CCT6B: variants seen among roughly 807,000 people sequenced by gnomAD.
CCT6B encodes the protein chaperonin containing TCP1 subunit 6B.
CCT6B carries 49 observed loss-of-function variants against 61.5 expected under a neutral mutation model. The observed-to-expected ratio is 0.80, with a 90% CI of 0.63 to 1.01. The LOEUF is 1.01. Among genes scored for constraint, CCT6B ranks in the 50% least tolerant of loss-of-function variants. CCT6B has a pLI of 0.00. For missense variants in CCT6B, 666 were observed against 634.7 expected (o/e 1.05, Z -0.53); for synonymous variants, 228 against 214.5 (o/e 1.06, Z -0.55).
At chr17:34,932,238 G>A (rs552076949) in intron 11 of CCT6B, 129 bp downstream of exon 11, 9 of 813,148 alleles carry the variant, frequency 1.1e-5, no homozygotes, top group East Asian at 5.8e-5. Flanking sequence ...AAATATCTAA[G>A]AGAAAACTGT....
intron 2 of CCT6B, 35 bp from the exon 3 acceptor site, chr17:34,958,729 G>T: frequency 1.3e-6 from 2 of 1,542,836 alleles, no homozygotes; most frequent in South Asian, 2.6e-5. Context: ...AAAAAGACAG[G>T]ATGAGATAAG....
At chr17:34,942,182 C>CT (rs796649434) in intron 7 of CCT6B, among the ~76,000 whole-genome samples, 88 of 142,268 alleles carry the variant, frequency 6.2e-4, no homozygotes, top group East Asian at 1.6e-3. Context: ...ATGATACTGC[C>CT]TTTTTTTTTT....
chr17:34,950,024 A>C (rs1460598552), intron 5 of CCT6B, among the ~76,000 whole-genome samples: 1 of 152,248 alleles, frequency 6.6e-6, no homozygotes, highest in East Asian at 1.9e-4. Context: ...AAGTGTCAAC[A>C]AATTTCAAAG....
At chr17:34,947,041 T>G (rs1327214945) in intron 5 of CCT6B, among the ~76,000 whole-genome samples, 1 of 152,218 alleles carries the variant, frequency 6.6e-6, no homozygotes, top group Non-Finnish European at 1.5e-5. Flanking sequence ...ATTAGAAAGT[T>G]TATTTTTAAA....
intron 12 of CCT6B, among the ~76,000 whole-genome samples, chr17:34,929,487 CTTTCT>C (rs1167627144): frequency 8.3e-6 from 1 of 120,360 alleles, no homozygotes; most frequent in Non-Finnish European, 1.7e-5. Flanking sequence ...TTTTTGTTTT[CTTTCT>C]TTTTTTTTTT....
chr17:34,954,582 T>C lies in CCT6B; in HGVS notation c.354A>G (p.Ile118Met), dbSNP rs746995040. 1.9e-6 allele frequency: 3 copies of C among 1,613,090 alleles called. No individual in the cohort carries two copies. The South Asian group carries it at 3.3e-5, about 18-fold the overall frequency. The change falls in exon 4 of 14, where the codon ATA becomes ATG. Residue 118 changes from isoleucine to methionine, a missense_variant. By Grantham distance (10) the Ile-to-Met change is conservative (BLOSUM62 1). Coordinates refer to ENST00000314144, the MANE Select transcript of CCT6B (RefSeq NM_006584.4). ...TTGCAGCTTCAAATCCTTCAGCTAT[T>C]ATTCTAGGGTGCAGGCCCTGTTACA... The part of the protein sequence containing the change: ...LYISEGLHPR[I>M]IAEGFEAAKI...
At chr17:34,934,464 C>G (rs1007724572) in intron 10 of CCT6B, among the ~76,000 whole-genome samples, 8 of 152,128 alleles carry the variant, frequency 5.3e-5, no homozygotes, top group Non-Finnish European at 8.8e-5. Flanking sequence ...AATATATAGA[C>G]AAATGAGTAT....
At chr17:34,952,829 T>A (rs1252664940) in intron 4 of CCT6B, among the ~76,000 whole-genome samples, 3 of 152,166 alleles carry the variant, frequency 2.0e-5, no homozygotes. Context: ...TGAGGTGACA[T>A]AATATTTTAT....
intron 4 of CCT6B, among the ~76,000 whole-genome samples, chr17:34,952,790 G>GA (rs2090306391): frequency 6.6e-6 from 1 of 152,186 alleles, no homozygotes; most frequent in South Asian, 2.1e-4. Flanking sequence ...ACATAAAGCA[G>GA]AAAAAACTGT....
At chr17:34,932,085 A>G (rs138497813) in intron 11 of CCT6B, among the ~76,000 whole-genome samples, 3 of 152,328 alleles carry the variant, frequency 2.0e-5, no homozygotes, top group East Asian at 3.9e-4. Context: ...TTAGTTAATC[A>G]TGAGTCATTT....
Position 34,959,621 on chromosome 17 carries a change from A to T in CCT6B, c.167T>A (p.Leu56His). Reference sequence around the variant, plus strand: ...GAGCAGCACATTGCCATCTTTGGTGAGTTTGATGTCACCTGCACCAGAAAC... The same window carrying T: ...GAGCAGCACATTGCCATCTTTGGTGTGTTTGATGTCACCTGCACCAGAAAC... Reference protein sequence around the residue: ...MLVSGAGDIKLTKDGNVLLDE... With the variant: ...MLVSGAGDIKHTKDGNVLLDE... Residue 56 changes from leucine to histidine, a missense_variant, in exon 2 of 14, where the codon CTC (leucine) becomes CAC (histidine). Leu to His is a moderately conservative substitution (Grantham distance 99). Transcript: ENST00000314144. 1 of 1,613,242 alleles carries T rather than the reference A, an allele frequency of 6.2e-7. No homozygotes were observed. The highest frequency in any genetic ancestry group is 8.5e-7 in the Non-Finnish European group (1 of 1,179,232).
rs564182178 is a variant in CCT6B, at chr17:34,941,527, TA to T, written c.886-907del. Among the ~76,000 whole-genome samples the T allele has an allele frequency of 3.0e-4, 46 of 152,354 alleles. No individual in the cohort carries two copies. In the South Asian group the frequency reaches 9.1e-3, roughly 30 times the overall value. ...CAAGTTTTCTGAAATTCTAATTTTT[TA>T]AAAAAGTTCAAATGTTATTGACAAC... On this transcript the variant is annotated intron_variant, in intron 7 of 13. Transcript: ENST00000314144.
chr17:34,954,395 T>A, intron 4 of CCT6B, 31 bp downstream of exon 4: 1 of 1,552,812 alleles, frequency 6.4e-7, no homozygotes, highest in Non-Finnish European at 8.7e-7. Context: ...TAGGCTATAT[T>A]TGTTCTGAAT....
chr17:34,938,031 A>C (rs1213624770), intron 10 of CCT6B, among the ~76,000 whole-genome samples: 1 of 151,950 alleles, frequency 6.6e-6, no homozygotes, highest in Non-Finnish European at 1.5e-5. Context: ...CTGGAACTAC[A>C]GGTACAGGCC....
chr17:34,928,846 T>A, intron 13 of CCT6B, 116 bp downstream of exon 13: 3 of 586,280 alleles, frequency 5.1e-6, no homozygotes, highest in Non-Finnish European at 6.1e-6. Flanking sequence ...ACCACACCTT[T>A]CATACACTTG....
At chr17:34,957,506 G>A (rs1203660845) in intron 3 of CCT6B, among the ~76,000 whole-genome samples, 1 of 152,176 alleles carries the variant, frequency 6.6e-6, no homozygotes, top group Non-Finnish European at 1.5e-5. Context: ...AGAGGTAAGA[G>A]ACAAAGAACC....
intron 7 of CCT6B, 142 bp from the exon 8 acceptor site, chr17:34,940,763 T>C (rs1370242753): frequency 2.6e-6 from 1 of 385,222 alleles, no homozygotes. Flanking sequence ...ATCTATAATA[T>C]TTGTATTATA....
rs1395558850 is a variant in CCT6B, at chr17:34,939,711, A to G, written c.971T>C (p.Leu324Pro). 1 of 1,603,470 alleles carries G rather than the reference A, an allele frequency of 6.2e-7. No individual in the cohort carries two copies. The highest frequency in any genetic ancestry group is 2.2e-5 in the East Asian group (1 of 44,758). ...GGCCATTCCACCACAAGCAAGAGAG[A>G]GTCTGAAATTACATATATGTCACCA... ...RRAKRRNMER[L>P]SLACGGMAVN... is the part of the protein sequence containing the mutation. Residue 324 changes from leucine (L) to proline (P), a missense_variant and splice_region_variant, in exon 9 of 14, where the codon CTC (leucine) becomes CCC (proline). By Grantham distance (98) the Leu-to-Pro change is moderately conservative. Coordinates refer to ENST00000314144, the MANE Select transcript of CCT6B (RefSeq NM_006584.4).
intron 5 of CCT6B, among the ~76,000 whole-genome samples, chr17:34,946,587 G>A (rs1233695001): frequency 6.6e-6 from 1 of 152,114 alleles, no homozygotes; most frequent in East Asian, 1.9e-4. Context: ...AAATCCATAT[G>A]TCTAATAAAA....
Sources: allele counts gnomAD v4.1 joint callset (sites outside exome capture counted in the v4.1 genomes callset), GRCh38; gene constraint gnomAD v4.1.1; transcripts MANE v1.5; gene names NCBI Gene and HGNC (gene_info 2026-07-23, HGNC 2026-07-21).